The following COLEC11 variants were observed in gnomAD, a reference collection of about 807,000 sequenced individuals.
The protein encoded by COLEC11 is collectin-11.
A neutral mutation model predicts 27.3 loss-of-function variants in COLEC11; 20 were observed. The observed-to-expected ratio is 0.73, with a 90% CI of 0.51 to 1.06. The LOEUF (loss-of-function observed/expected upper bound fraction) is 1.06, where lower values mean the gene tolerates loss of function less well. Among genes scored for constraint, COLEC11 ranks in the 50% least tolerant of loss-of-function variants. The pLI is 0.00. For missense variants in COLEC11, 310 were observed against 383.0 expected (o/e 0.81, Z 1.59); for synonymous variants, 163 against 154.7 (o/e 1.05, Z -0.40).
intron 1 of COLEC11, among the ~76,000 whole-genome samples, chr2:3,601,298 TTTA>T (rs1010243150): frequency 1.1e-4 from 17 of 152,224 alleles, no homozygotes; most frequent in African/African-American, 3.1e-4. Flanking sequence ...TGGATTTTTC[TTTA>T]TTATTATTAT....
At chr2:3,600,798 T>C (rs1553347595) in intron 1 of COLEC11, among the ~76,000 whole-genome samples, 1 of 152,212 alleles carries the variant, frequency 6.6e-6, no homozygotes, top group Non-Finnish European at 1.5e-5. Flanking sequence ...ACATCAAAAA[T>C]GACACCTTGA....
chr2:3,619,098 C>A (rs763526093), intron 3 of COLEC11, among the ~76,000 whole-genome samples: 1 of 152,072 alleles, frequency 6.6e-6, no homozygotes, highest in Non-Finnish European at 1.5e-5. Flanking sequence ...TAAGATTATG[C>A]CATCTGCAAA....
intron 2 of COLEC11, among the ~76,000 whole-genome samples, chr2:3,607,214 C>G (rs1390577244): frequency 6.6e-6 from 1 of 152,018 alleles, no homozygotes. Flanking sequence ...ATTTGCCATT[C>G]CAGGCCATTT....
At chr2:3,636,578 G>A (rs150737047) in intron 3 of COLEC11, among the ~76,000 whole-genome samples, 3 of 152,352 alleles carry the variant, frequency 2.0e-5, no homozygotes, top group African/African-American at 7.2e-5. Context: ...TCCTAATAGT[G>A]TGTAAACATG....
rs923204760 is a variant in COLEC11, at chr2:3,602,688, A to G, written c.-26-1627A>G. On this transcript the variant is annotated intron_variant, in intron 1 of 6. Transcript: ENST00000349077. The surrounding 1 kb of genome is among the most constrained non-coding windows in gnomAD (Gnocchi z 6.2). Reference sequence around the variant, plus strand: ...CTGATCCAGACCCTCTGTCTCATACAGAGCAACCCCCAAAGCTGCTGGGCG... The same window carrying G: ...CTGATCCAGACCCTCTGTCTCATACGGAGCAACCCCCAAAGCTGCTGGGCG... Among the ~76,000 whole-genome samples the G allele has an allele frequency of 1.3e-5, 2 of 152,178 alleles. No homozygotes were observed. The highest frequency in any genetic ancestry group is 1.5e-5 in the Non-Finnish European group (1 of 68,032).
intron 1 of COLEC11, among the ~76,000 whole-genome samples, chr2:3,597,379 C>T (rs1007357396): frequency 1.3e-5 from 2 of 149,288 alleles, no homozygotes; most frequent in Non-Finnish European, 1.5e-5. Flanking sequence ...TGGGCTGCTC[C>T]GGGGTCAGCG....
rs576987847 is a variant in COLEC11, at chr2:3,616,360, G to A, written c.202+2978G>A. On this transcript the variant is annotated intron_variant, in intron 3 of 6. Transcript: ENST00000349077. ...CTCCTCACTTCCCAGACGGGGTGGCGGCCGGGCAGAGGCTGCAATCTCGGC... is the reference window on the plus strand; with the variant it reads ...CTCCTCACTTCCCAGACGGGGTGGCAGCCGGGCAGAGGCTGCAATCTCGGC... Among the ~76,000 whole-genome samples the A allele has an allele frequency of 3.3e-5, 5 of 151,794 alleles. No individual in the cohort carries two copies. The East Asian group carries it at 7.7e-4, about 24-fold the overall frequency.
chr2:3,626,643 A>G (rs1160121830), intron 3 of COLEC11, among the ~76,000 whole-genome samples: 2 of 152,202 alleles, frequency 1.3e-5, no homozygotes, highest in African/African-American at 2.4e-5. Context: ...GCAATAACCA[A>G]CTGACATTCT....
intron 2 of COLEC11, chr2:3,604,964 AC>A (rs2147856461): frequency 2.3e-6 from 1 of 431,324 alleles, no homozygotes; most frequent in African/African-American, 2.1e-5. Flanking sequence ...AAAGACAGGA[AC>A]TTTTTTTTTT....
chr2:3,607,992 G>A lies in COLEC11; in HGVS notation c.130+3522G>A, dbSNP rs140572602. ...TTGTGGCCAGCAGGGATGTGAAGTCGCTGGCACACGAGTTTGTTCAGCTTG... is the reference window on the plus strand; with the variant it reads ...TTGTGGCCAGCAGGGATGTGAAGTCACTGGCACACGAGTTTGTTCAGCTTG... On this transcript the variant is annotated intron_variant, in intron 2 of 6. Coordinates refer to ENST00000349077, the MANE Select transcript of COLEC11 (RefSeq NM_024027.5). Among the ~76,000 whole-genome samples the A allele has an allele frequency of 2.6e-4, 40 of 152,318 alleles. 1 individual carries two copies. In the East Asian group the frequency reaches 7.5e-3, roughly 29 times the overall value.
chr2:3,644,319 A>C lies in COLEC11; in HGVS notation c.*201A>C. ...AAGTGTTCCTGGGGTGCTGTCTCTG[A>C]AGAAGCAGAGTTTCATTACCTGTAT... is the stretch of plus-strand genomic sequence containing the variant. On this transcript the variant is annotated 3_prime_UTR_variant, in exon 7 of 7. Coordinates refer to ENST00000349077, the MANE Select transcript of COLEC11 (RefSeq NM_024027.5). 1 of 725,122 alleles carries C rather than the reference A, an allele frequency of 1.4e-6. No individual in the cohort carries two copies. The highest frequency in any genetic ancestry group is 2.7e-5 in the East Asian group (1 of 37,168). 44.9% of individuals were successfully genotyped at this position (725,122 alleles called of 1,614,324 possible). A position where few individuals can be genotyped will look rare whatever the true frequency, so the allele number is the denominator to read the frequency against.
chr2:3,605,689 C>T (rs66718279), intron 2 of COLEC11: 115,689 of 198,470 alleles, frequency 0.58, 36,098 homozygotes, highest in East Asian at 0.83. Flanking sequence ...TCAGCTTCTC[C>T]TGTGGAGCGT....
chr2:3,614,511 A>G (rs35333383), intron 3 of COLEC11, among the ~76,000 whole-genome samples: 3,614 of 152,180 alleles, frequency 0.024, 150 homozygotes, highest in African/African-American at 0.08. Context: ...CGTACCCCTC[A>G]TCCTAAGCAA....
At chr2:3,613,469 G>A in intron 3 of COLEC11, 87 bp downstream of exon 3, 1 of 1,396,018 alleles carries the variant, frequency 7.2e-7, no homozygotes, top group East Asian at 2.5e-5. Flanking sequence ...GGGGGTGGTG[G>A]TTCCAGAGAG....
At chr2:3,635,771 C>T (rs1665363262) in intron 3 of COLEC11, among the ~76,000 whole-genome samples, 1 of 152,216 alleles carries the variant, frequency 6.6e-6, no homozygotes, top group Non-Finnish European at 1.5e-5. Flanking sequence ...TGCATCGTCC[C>T]CCAGGCTGGA....
chr2:3,596,103 GT>G (rs1054300144), intron 1 of COLEC11, among the ~76,000 whole-genome samples: 4 of 152,168 alleles, frequency 2.6e-5, no homozygotes, highest in African/African-American at 7.2e-5. Flanking sequence ...GTGTGCTGTT[GT>G]GGGTGGAATC....
chr2:3,641,866 C>T (rs957796681), intron 5 of COLEC11, among the ~76,000 whole-genome samples: 6 of 152,256 alleles, frequency 3.9e-5, no homozygotes, highest in Admixed American at 6.5e-5. Flanking sequence ...TGGGAAAAGG[C>T]GTAAAGCCCA....
intron 3 of COLEC11, among the ~76,000 whole-genome samples, chr2:3,622,654 G>A (rs1664265443): frequency 6.6e-6 from 1 of 152,194 alleles, no homozygotes; most frequent in East Asian, 1.9e-4. Flanking sequence ...TATCATGAGA[G>A]TGGGACTATT....
At chr2:3,598,164 G>A (rs1330047594) in intron 1 of COLEC11, among the ~76,000 whole-genome samples, 1 of 152,140 alleles carries the variant, frequency 6.6e-6, no homozygotes, top group Admixed American at 6.5e-5. Flanking sequence ...TCGAACTCCT[G>A]ACCTCAGGTG....
Sources: allele counts gnomAD v4.1 joint callset (sites outside exome capture counted in the v4.1 genomes callset), GRCh38; gene constraint gnomAD v4.1.1; non-coding constraint Gnocchi (gnomAD v3.1); transcripts MANE v1.5; gene names NCBI Gene and HGNC (gene_info 2026-07-23, HGNC 2026-07-21).